The following TPGS2 variants were observed in gnomAD, a reference collection of about 807,000 sequenced individuals.
TPGS2 encodes the protein tubulin polyglutamylase complex subunit 2.
Under a neutral mutation model 31.1 loss-of-function variants are expected in TPGS2, and 26 were observed. That is an observed-to-expected ratio of 0.84 (90% CI 0.61 to 1.16). The LOEUF (loss-of-function observed/expected upper bound fraction) is 1.16, where lower values mean the gene tolerates loss of function less well. Ranked by LOEUF, TPGS2 falls within the 50% of genes most tolerant of loss-of-function variation. The probability of loss-of-function intolerance (pLI) is 0.00; values close to 1 mark genes in which losing one functional copy is unlikely to be tolerated. For missense variants in TPGS2, 351 were observed against 363.8 expected (o/e 0.96, Z 0.29); for synonymous variants, 130 against 136.6 (o/e 0.95, Z 0.34).
intron 4 of TPGS2, among the ~76,000 whole-genome samples, chr18:36,801,364 C>A (rs2044805673): frequency 6.6e-6 from 1 of 152,154 alleles, no homozygotes; most frequent in South Asian, 2.1e-4. Context: ...AGGGTCTCCA[C>A]TCTATCACCT....
chr18:36,812,055 A>G (rs2045453670), intron 2 of TPGS2, among the ~76,000 whole-genome samples: 1 of 152,246 alleles, frequency 6.6e-6, no homozygotes. Context: ...TCCTGTTAAA[A>G]GGTGACAGAT....
chr18:36,818,283 C>A (rs2150671976), intron 2 of TPGS2, among the ~76,000 whole-genome samples: 1 of 152,024 alleles, frequency 6.6e-6, no homozygotes, highest in South Asian at 2.1e-4. Context: ...GTACTCAGGC[C>A]AGTTAGTAAT....
chr18:36,793,005 A>G (rs1228205368), downstream of TPGS2, among the ~76,000 whole-genome samples: 2 of 152,106 alleles, frequency 1.3e-5, no homozygotes, highest in Admixed American at 1.3e-4. Context: ...TTTTTTCCCA[A>G]TTTAACCCAC....
At chr18:36,791,395 C>T (rs995538569), downstream of TPGS2, among the ~76,000 whole-genome samples, 1 of 152,162 alleles carries the variant, frequency 6.6e-6, no homozygotes, top group Non-Finnish European at 1.5e-5. Flanking sequence ...AAGCACTTCA[C>T]CTCAAGGAGG....
rs370433231 is a variant in TPGS2, at chr18:36,811,213, A to T, written c.166-3279T>A. On this transcript the variant is annotated intron_variant, in intron 2 of 6. Coordinates refer to ENST00000334295, the MANE Select transcript of TPGS2 (RefSeq NM_015476.4). Reference sequence around the variant, plus strand: ...GAGGACATTCCATGAAGTGGAGGAAAACCTGGATGAGCTGTGGAGGGATGG... The same window carrying T: ...GAGGACATTCCATGAAGTGGAGGAATACCTGGATGAGCTGTGGAGGGATGG... Among the ~76,000 whole-genome samples, 9 of 152,324 alleles carry T rather than the reference A, an allele frequency of 5.9e-5. No individual in the cohort carries two copies. In the South Asian group the frequency reaches 1.7e-3, roughly 28 times the overall value.
At chr18:36,824,473 A>G (rs1016892127) in intron 1 of TPGS2, among the ~76,000 whole-genome samples, 1 of 152,204 alleles carries the variant, frequency 6.6e-6, no homozygotes, top group Non-Finnish European at 1.5e-5. Flanking sequence ...CTGCCGTACC[A>G]TTTTACATTT....
chr18:36,828,773 G>A lies in TPGS2; in HGVS notation c.-6C>T. On this transcript the variant is annotated 5_prime_UTR_variant, in exon 1 of 7. Coordinates refer to ENST00000334295, the MANE Select transcript of TPGS2 (RefSeq NM_015476.4). ...GACGATGCCTCCTCCTCCATGGCTCGCGACCGCGATTCGCGCGCGGCGGGA... is the reference window on the plus strand; with the variant it reads ...GACGATGCCTCCTCCTCCATGGCTCACGACCGCGATTCGCGCGCGGCGGGA... The A allele has an allele frequency of 6.2e-7, 1 of 1,612,788 alleles. No individual in the cohort carries two copies. Among genetic ancestry groups the A allele is most frequent in the Non-Finnish European group, 8.5e-7 (1 of 1,179,574 alleles).
chr18:36,798,138 C>A, intron 6 of TPGS2: 1 of 1,124,856 alleles, frequency 8.9e-7, no homozygotes, highest in Non-Finnish European at 1.1e-6. Flanking sequence ...TGACTTTTCA[C>A]TCTTCCTGGG....
intron 1 of TPGS2, among the ~76,000 whole-genome samples, chr18:36,822,347 A>G (rs1295637013): frequency 4.6e-5 from 7 of 152,208 alleles, no homozygotes; most frequent in African/African-American, 1.4e-4. Context: ...GATTCTAACT[A>G]TGTCTTTTCC....
At chr18:36,798,241 C>T in intron 6 of TPGS2, 1 of 1,393,500 alleles carries the variant, frequency 7.2e-7, no homozygotes, top group Non-Finnish European at 9.3e-7. Flanking sequence ...TTCTGAGAAT[C>T]AGTCAAGTTT....
At chr18:36,813,796 G>C (rs1009390663) in intron 2 of TPGS2, among the ~76,000 whole-genome samples, 1 of 152,206 alleles carries the variant, frequency 6.6e-6, no homozygotes, top group Non-Finnish European at 1.5e-5. Flanking sequence ...CTATGGGGAA[G>C]CTGCCAGGAG....
chr18:36,801,174 A>G (rs1379372784), intron 4 of TPGS2, among the ~76,000 whole-genome samples: 1 of 152,208 alleles, frequency 6.6e-6, no homozygotes, highest in Non-Finnish European at 1.5e-5. Flanking sequence ...ATGCCCTTAT[A>G]TTCTGGTGCT....
At chr18:36,813,587 T>C (rs1462465444) in intron 2 of TPGS2, among the ~76,000 whole-genome samples, 1 of 152,230 alleles carries the variant, frequency 6.6e-6, no homozygotes, top group Non-Finnish European at 1.5e-5. Flanking sequence ...ACAGCTACAA[T>C]GGCAGAAATG....
chr18:36,782,677 G>C (rs954681788), downstream of TPGS2, among the ~76,000 whole-genome samples: 1 of 152,104 alleles, frequency 6.6e-6, no homozygotes, highest in Admixed American at 6.5e-5. Context: ...AGGCAGAGCT[G>C]GTTTTTAATC....
intron 2 of TPGS2, among the ~76,000 whole-genome samples, chr18:36,813,306 G>A (rs1224265628): frequency 1.3e-5 from 2 of 152,210 alleles, no homozygotes; most frequent in Non-Finnish European, 2.9e-5. Context: ...AGAGAAGGGA[G>A]TGGCTAACTG....
chr18:36,811,162 C>T (rs111596313), intron 2 of TPGS2, among the ~76,000 whole-genome samples: 11 of 152,340 alleles, frequency 7.2e-5, no homozygotes, highest in African/African-American at 1.9e-4. Flanking sequence ...ATGAGCACAA[C>T]GGCATCTCCT....
intron 3 of TPGS2, 92 bp from the exon 4 acceptor site, chr18:36,805,594 G>C: frequency 6.4e-7 from 1 of 1,550,438 alleles, no homozygotes; most frequent in African/African-American, 1.4e-5. Context: ...CTAAGCCCAG[G>C]TATTGTTTCG....
At chr18:36,819,062 T>C in intron 1 of TPGS2, 89 bp from the exon 2 acceptor site, 1 of 1,036,952 alleles carries the variant, frequency 9.6e-7, no homozygotes. Context: ...TGATGACTGC[T>C]CTTAAGAACA....
At chr18:36,823,973 T>C (rs2046021571) in intron 1 of TPGS2, 2 of 626,518 alleles carry the variant, frequency 3.2e-6, no homozygotes, top group African/African-American at 2.0e-5. Context: ...TATAAAGTGA[T>C]TTTTATATTC....
Sources: allele counts gnomAD v4.1 joint callset (sites outside exome capture counted in the v4.1 genomes callset), GRCh38; gene constraint gnomAD v4.1.1; transcripts MANE v1.5; gene names NCBI Gene and HGNC (gene_info 2026-07-23, HGNC 2026-07-21).